The following COLEC12 variants were observed in gnomAD, a reference collection of about 807,000 sequenced individuals.
COLEC12 encodes collectin-12.
In COLEC12, 33 loss-of-function variants were observed where a neutral mutation model predicts 71.1. The observed-to-expected ratio is 0.46, with a 90% confidence interval of 0.35 to 0.62. COLEC12 has a LOEUF of 0.62. Ranked by LOEUF, COLEC12 falls within the 20% of genes least tolerant of loss-of-function variation. The pLI is 0.00. For missense variants in COLEC12, 765 were observed against 916.1 expected, an observed-to-expected ratio of 0.84 and a Z score of 2.13; for synonymous variants, 350 against 353.0, an observed-to-expected ratio of 0.99 and a Z score of 0.10.
intron 2 of COLEC12, among the ~76,000 whole-genome samples, chr18:441,213 A>C (rs1354107135): frequency 6.6e-6 from 1 of 150,940 alleles, no homozygotes; most frequent in Non-Finnish European, 1.5e-5. Flanking sequence ...GTGCCACTGC[A>C]CTCCAGCCTG....
At chr18:436,533 G>C (rs1182177441) in intron 2 of COLEC12, among the ~76,000 whole-genome samples, 5 of 141,688 alleles carry the variant, frequency 3.5e-5, no homozygotes, top group Non-Finnish European at 7.7e-5. Flanking sequence ...AAAGGGGGGG[G>C]GGGGGGAAAC....
chr18:459,651 C>T (rs2621168), intron 2 of COLEC12, among the ~76,000 whole-genome samples: 42,359 of 152,146 alleles, frequency 0.28, 6,525 homozygotes, highest in South Asian at 0.45. Context: ...CTATGCACAC[C>T]GCAATGCCTG....
At chr18:353,703 G>A (rs1185463214) in intron 3 of COLEC12, among the ~76,000 whole-genome samples, 1 of 152,214 alleles carries the variant, frequency 6.6e-6, no homozygotes, top group East Asian at 1.9e-4. Context: ...ACACGTTTTT[G>A]TACCAGACTG....
In COLEC12 at chr18:478,683, G is replaced by C. The variant is rs557514052; in HGVS notation, c.58+2024C>G. Among the ~76,000 whole-genome samples, 29 of 152,276 alleles carry C rather than the reference G, an allele frequency of 1.9e-4. No homozygotes were observed. In the East Asian group the frequency reaches 5.6e-3, roughly 29 times the overall value. ...CTTCCATCTGCAAAGATCTACTCTGGTCCTATGCTGGATATCCATCGCCTT... is the reference window on the plus strand; with the variant it reads ...CTTCCATCTGCAAAGATCTACTCTGCTCCTATGCTGGATATCCATCGCCTT... On this transcript the variant is annotated intron_variant, in intron 2 of 9. Transcript: ENST00000400256.
chr18:469,683 G>C (rs1177029891), intron 2 of COLEC12, among the ~76,000 whole-genome samples: 1 of 152,062 alleles, frequency 6.6e-6, no homozygotes, highest in Non-Finnish European at 1.5e-5. Context: ...GCCCCCAACT[G>C]TTTTACTGGT....
chr18:374,966 G>T (rs1342806902), intron 2 of COLEC12, among the ~76,000 whole-genome samples: 1 of 152,218 alleles, frequency 6.6e-6, no homozygotes, highest in Non-Finnish European at 1.5e-5. Flanking sequence ...TTCATCTGTT[G>T]TTAAAATCAA....
At chr18:479,333 G>A (rs758586211) in intron 2 of COLEC12, among the ~76,000 whole-genome samples, 5 of 152,194 alleles carry the variant, frequency 3.3e-5, no homozygotes, top group Non-Finnish European at 7.3e-5. Context: ...CAACGCAGGA[G>A]AGATGAGCTT....
intron 1 of COLEC12, among the ~76,000 whole-genome samples, chr18:490,836 G>A (rs2143789682): frequency 6.6e-6 from 1 of 152,326 alleles, no homozygotes; most frequent in East Asian, 1.9e-4. Flanking sequence ...GACATTTTTA[G>A]GAGCCAGCCT....
At chr18:349,177 T>TG (rs1422285845) in intron 3 of COLEC12, among the ~76,000 whole-genome samples, 1 of 151,970 alleles carries the variant, frequency 6.6e-6, no homozygotes, top group East Asian at 1.9e-4. Flanking sequence ...CAGGAGAAAA[T>TG]GGTTTCGTGG....
At chr18:420,649 AT>A (rs553103039) in intron 2 of COLEC12, among the ~76,000 whole-genome samples, 129 of 152,166 alleles carry the variant, frequency 8.5e-4, no homozygotes, top group Non-Finnish European at 1.4e-3. Flanking sequence ...TTGGCAAATG[AT>A]TTTGCAACTC....
intron 8 of COLEC12, among the ~76,000 whole-genome samples, chr18:322,717 AG>A (rs1384845202): frequency 6.6e-6 from 1 of 152,118 alleles, no homozygotes; most frequent in Non-Finnish European, 1.5e-5. Context: ...TCTGCAGCGG[AG>A]GGTGCTTCCT....
intron 1 of COLEC12, among the ~76,000 whole-genome samples, chr18:495,276 A>G (rs1917688516): frequency 6.6e-6 from 1 of 152,230 alleles, no homozygotes; most frequent in Admixed American, 6.5e-5. Flanking sequence ...AGCAGTAAAG[A>G]ATGAACCTTC....
At chr18:369,073 C>G (rs967438465) in intron 2 of COLEC12, among the ~76,000 whole-genome samples, 3 of 152,182 alleles carry the variant, frequency 2.0e-5, no homozygotes, top group Non-Finnish European at 4.4e-5. Flanking sequence ...CCATTGAAAT[C>G]AGCAAAAAGC....
intron 3 of COLEC12, among the ~76,000 whole-genome samples, chr18:349,441 G>A (rs916735387): frequency 6.6e-6 from 1 of 152,226 alleles, no homozygotes; most frequent in African/African-American, 2.4e-5. Flanking sequence ...GGAGAGGTTT[G>A]CTGCACGGGT....
At chr18:434,148 A>T (rs2143680917) in intron 2 of COLEC12, among the ~76,000 whole-genome samples, 1 of 152,306 alleles carries the variant, frequency 6.6e-6, no homozygotes, top group Middle Eastern at 3.4e-3. Context: ...ATTACTAAAA[A>T]TGTAACACTA....
intron 1 of COLEC12, among the ~76,000 whole-genome samples, chr18:495,478 GC>G (rs1917693417): frequency 2.0e-5 from 3 of 152,306 alleles, no homozygotes; most frequent in African/African-American, 7.2e-5. Flanking sequence ...GCTACAGTGG[GC>G]CATCCACATT....
chr18:488,538 A>C (rs1030036310), intron 1 of COLEC12, among the ~76,000 whole-genome samples: 9 of 152,180 alleles, frequency 5.9e-5, no homozygotes, highest in Admixed American at 2.0e-4. Flanking sequence ...TAAATAGAAA[A>C]AAGTAAAAAT....
At chr18:406,918 T>C (rs1161381530) in intron 2 of COLEC12, among the ~76,000 whole-genome samples, 1 of 152,260 alleles carries the variant, frequency 6.6e-6, no homozygotes, top group Non-Finnish European at 1.5e-5. Context: ...GACGGGACAA[T>C]GTGAGTTTGC....
chr18:350,519 C>T (rs997086169), intron 3 of COLEC12, among the ~76,000 whole-genome samples: 4 of 152,124 alleles, frequency 2.6e-5, no homozygotes, highest in African/African-American at 9.7e-5. Context: ...TTCAAGTACA[C>T]GTTTCTAAAA....
Sources: allele counts gnomAD v4.1 joint callset (sites outside exome capture counted in the v4.1 genomes callset), GRCh38; gene constraint gnomAD v4.1.1; transcripts MANE v1.5; gene names NCBI Gene and HGNC (gene_info 2026-07-23, HGNC 2026-07-21).